VPS53: variants seen among roughly 807,000 people sequenced by gnomAD.
VPS53 encodes vacuolar protein sorting-associated protein 53 homolog.
In VPS53, 70 loss-of-function variants were observed where a neutral mutation model predicts 107.0. The ratio of observed to expected loss-of-function variants is 0.65; its 90% CI spans 0.54 to 0.80. The LOEUF is 0.80. VPS53 is among the 30% of genes least tolerant of loss of function. The pLI, the probability that VPS53 is intolerant of heterozygous loss-of-function variation, is 0.00. For missense variants in VPS53, 917 were observed against 1,049.4 expected, an observed-to-expected ratio of 0.87 and a Z score of 1.74; for synonymous variants, 409 against 393.3, an observed-to-expected ratio of 1.04 and a Z score of -0.47.
intron 11 of VPS53, among the ~76,000 whole-genome samples, chr17:610,980 A>C (rs1968844653): frequency 1.3e-5 from 2 of 152,012 alleles, no homozygotes; most frequent in Non-Finnish European, 2.9e-5. Flanking sequence ...TAGAATGTGT[A>C]AACAACTCTT....
chr17:616,520 T>G (rs1346820355), intron 11 of VPS53: 1 of 152,330 alleles, frequency 6.6e-6, no homozygotes, highest in Non-Finnish European at 1.5e-5. Context: ...AGCTGACCCC[T>G]GACCACCACC....
chr17:644,261 A>G (rs1285030466), intron 7 of VPS53, among the ~76,000 whole-genome samples: 5 of 152,250 alleles, frequency 3.3e-5, no homozygotes, highest in Non-Finnish European at 7.3e-5. Flanking sequence ...TCAAATGTAC[A>G]GGCAAAGATT....
intron 11 of VPS53, among the ~76,000 whole-genome samples, chr17:615,536 G>A (rs1021095299): frequency 2.6e-5 from 4 of 152,162 alleles, no homozygotes; most frequent in African/African-American, 9.7e-5. Context: ...GTACAGCCTA[G>A]GGAGGGGCAG....
At chr17:666,023 C>T (rs933821301) in intron 4 of VPS53, among the ~76,000 whole-genome samples, 6 of 152,044 alleles carry the variant, frequency 3.9e-5, no homozygotes, top group Non-Finnish European at 8.8e-5. Context: ...AAAAAGATAG[C>T]TTACTTGAGA....
At chr17:532,801 A>G (rs1909699550) in intron 19 of VPS53, 41 bp downstream of exon 19, 1 of 1,610,800 alleles carries the variant, frequency 6.2e-7, no homozygotes, top group Non-Finnish European at 8.5e-7. Context: ...GATCTACAAC[A>G]AAAGCTGCCA....
intron 13 of VPS53, among the ~76,000 whole-genome samples, chr17:581,882 C>T (rs1171020565): frequency 6.9e-6 from 1 of 145,774 alleles, no homozygotes; most frequent in African/African-American, 2.6e-5. Context: ...CATTCGCAGA[C>T]AACCTCCCTT....
chr17:667,844 C>T (rs549056659), intron 4 of VPS53, among the ~76,000 whole-genome samples: 2 of 152,248 alleles, frequency 1.3e-5, no homozygotes, highest in South Asian at 2.1e-4. Flanking sequence ...CTGAGCTCCC[C>T]CTCCTCAGAT....
chr17:521,867 A>T, intron 19 of VPS53, 129 bp from the exon 20 acceptor site: 2 of 1,132,874 alleles, frequency 1.8e-6, no homozygotes. Context: ...TTGGGGAAAT[A>T]AACAGAAATA....
chr17:707,515 T>A (rs1292124538), intron 2 of VPS53, among the ~76,000 whole-genome samples: 9 of 105,950 alleles, frequency 8.5e-5, no homozygotes, highest in Non-Finnish European at 7.7e-5. Context: ...AATGAGACTT[T>A]GTCTCAAAAA....
At chr17:553,308 T>C (rs902247496) in intron 16 of VPS53, 72 bp downstream of exon 16, 1 of 1,439,342 alleles carries the variant, frequency 6.9e-7, no homozygotes, top group Non-Finnish European at 9.7e-7. Context: ...GTGTGCAGGG[T>C]ACATACGTGC....
At chr17:530,390 T>A (rs1268922191) in intron 19 of VPS53, among the ~76,000 whole-genome samples, 2 of 151,858 alleles carry the variant, frequency 1.3e-5, no homozygotes, top group Non-Finnish European at 2.9e-5. Flanking sequence ...CTTGACCTTG[T>A]GATCCGCCCG....
rs1555571680 is a variant in VPS53 at position 643,547 on chromosome 17, C to CGAGGACAACACTCATACTTGGCAACT, written c.608+9743_608+9744insAGTTGCCAAGTATGAGTGTTGTCCTC. Among the ~76,000 whole-genome samples, 27 of 16,464 alleles carry CGAGGACAACACTCATACTTGGCAACT rather than the reference C, an allele frequency of 1.6e-3. 1 individual carries two copies. The highest frequency in any genetic ancestry group is 2.6e-3 in the Non-Finnish European group (22 of 8,374). 10.8% of individuals were successfully genotyped at this position (16,464 alleles called of 152,430 possible). ...GAGGACAACACTCATACTTGGAAAC[C>CGAGGACAACACTCATACTTGGCAACT]GAGGACAACACTCATACTTGGAAAC... On this transcript the variant is annotated intron_variant, in intron 7 of 21. Transcript: ENST00000437048.
At chr17:620,206 T>C (rs1026132952) in intron 11 of VPS53, among the ~76,000 whole-genome samples, 2 of 152,222 alleles carry the variant, frequency 1.3e-5, no homozygotes, top group African/African-American at 2.4e-5. Context: ...AGGCAGGACC[T>C]TGTGGTCTGG....
At chr17:577,381 T>G (rs1468086410) in intron 13 of VPS53, among the ~76,000 whole-genome samples, 1 of 150,234 alleles carries the variant, frequency 6.7e-6, no homozygotes, top group African/African-American at 2.5e-5. Flanking sequence ...CCAGAGAACA[T>G]CCCTCCAAAC....
chr17:611,492 T>C (rs34017632), intron 11 of VPS53, among the ~76,000 whole-genome samples: 1,730 of 152,292 alleles, frequency 0.011, 27 homozygotes, highest in Admixed American at 0.05. Context: ...TGGGTAGAAA[T>C]GTAAAACCGT....
chr17:653,146 C>G, intron 7 of VPS53, 145 bp downstream of exon 7: 1 of 1,558,774 alleles, frequency 6.4e-7, no homozygotes. Context: ...TCCCCATATA[C>G]TTTCCCTCCG....
chr17:687,248 G>A (rs997308905), intron 4 of VPS53, among the ~76,000 whole-genome samples: 4 of 149,562 alleles, frequency 2.7e-5, no homozygotes, highest in Non-Finnish European at 3.0e-5. Flanking sequence ...ATCGTAACAC[G>A]GCACTCCAGC....
At position 643,054 on chromosome 17, in the gene VPS53, A is replaced by G. The variant is rs371782264; in HGVS notation, c.608+10237T>C. ...AGGACAACACTCATACTTGGAAATCAAGGACAACACTCATACTTGGCAACT... is the reference window on the plus strand; with the variant it reads ...AGGACAACACTCATACTTGGAAATCGAGGACAACACTCATACTTGGCAACT... On this transcript the variant is annotated intron_variant, in intron 7 of 21. Coordinates refer to ENST00000437048, the MANE Select transcript of VPS53 (RefSeq NM_001128159.3). 4.1e-4 allele frequency among the ~76,000 whole-genome samples: 38 copies of G among 92,408 alleles called. 2 individuals are homozygous for G. Among genetic ancestry groups the G allele is most frequent in the Admixed American group, 8.2e-4 (8 of 9,800 alleles). The allele number at this position is 92,408 out of a possible 152,430, so 60.6% of individuals were successfully genotyped here. A position where few individuals can be genotyped will look rare whatever the true frequency, so the allele number is the denominator to read the frequency against.
chr17:658,280 C>T lies in VPS53; in HGVS notation c.373-2327G>A, dbSNP rs111325350. Among the ~76,000 whole-genome samples, 20 of 119,826 alleles carry T rather than the reference C, an allele frequency of 1.7e-4. 1 individual carries two copies. The South Asian group carries it at 3.6e-3, about 22-fold the overall frequency. The allele number at this position is 119,826 out of a possible 152,430, so 78.6% of individuals were successfully genotyped here. A position where few individuals can be genotyped will look rare whatever the true frequency, so the allele number is the denominator to read the frequency against. On this transcript the variant is annotated intron_variant, in intron 5 of 21. Coordinates refer to ENST00000437048, the MANE Select transcript of VPS53 (RefSeq NM_001128159.3). ...TAACATCCCACTAAAGTGAGAAACT[C>T]GGCCGTGAGTTCGTGGATAGATACA... is the stretch of plus-strand genomic sequence containing the variant.
Sources: gnomAD v4.1 joint callset for allele counts (sites outside exome capture counted in the v4.1 genomes callset) on GRCh38, gnomAD v4.1.1 for gene constraint, MANE v1.5 for transcripts, NCBI Gene and HGNC (gene_info 2026-07-23, HGNC 2026-07-21) for gene names.